The following ICE1 variants were observed in gnomAD, a reference collection of about 807,000 sequenced individuals.
The protein encoded by ICE1 is interactor of little elongation complex ELL subunit 1.
A neutral mutation model predicts 192.7 loss-of-function variants in ICE1; 64 were observed. The ratio of observed to expected loss-of-function variants is 0.33; its 90% CI spans 0.27 to 0.41. The LOEUF (loss-of-function observed/expected upper bound fraction) is 0.41, where lower values mean the gene tolerates loss of function less well. Ranked by LOEUF, ICE1 falls within the 10% of genes least tolerant of loss-of-function variation. The pLI is 1.00. For synonymous variants in ICE1, 1,010 were observed against 984.5 expected (o/e 1.03, Z -0.49); for missense variants, 2,708 against 2,696.0 (o/e 1.00, Z -0.10).
At chr5:5,426,820 T>A (rs1182419203) in intron 1 of ICE1, among the ~76,000 whole-genome samples, 2 of 152,256 alleles carry the variant, frequency 1.3e-5, no homozygotes, top group African/African-American at 4.8e-5. Flanking sequence ...GTATTATAAC[T>A]ACGTGAAGTT....
In ICE1 at chr5:5,473,875, ACT is replaced by A. The variant is rs1739235185; in HGVS notation, c.6413+128_6413+129del. Reference sequence around the variant, plus strand: ...GGCAGATGAAACATTTACAAATTACACTGTTTTTATTTTATAAGAGTTAATAA... The same window carrying A: ...GGCAGATGAAACATTTACAAATTACAGTTTTTATTTTATAAGAGTTAATAA... On this transcript the variant is annotated intron_variant, in intron 16 of 18. Coordinates refer to ENST00000296564, the MANE Select transcript of ICE1 (RefSeq NM_015325.3). 5 of 651,806 alleles carry A rather than the reference ACT, an allele frequency of 7.7e-6. No individual in the cohort carries two copies. The South Asian group carries it at 9.2e-5, about 12-fold the overall frequency. The allele number at this position is 651,806 out of a possible 1,614,324, so 40.4% of individuals were successfully genotyped here.
chr5:5,457,681 G>A lies in ICE1; in HGVS notation c.1041G>A (p.Val347=). Residue 347 remains valine (V), a synonymous_variant, in exon 12 of 19, where the codon GTG becomes GTA. Transcript: ENST00000296564. ...FKLPPPLLSP[V]PSPPPMSSPH... ...TTCCCCCTCCTCTTCTGTCACCAGT[G>A]CCCTCGCCCCCTCCGATGTCATCAC... 6.2e-7 allele frequency: 1 copy of A among 1,613,746 alleles called. No individual in the cohort carries two copies. The highest frequency in any genetic ancestry group is 8.5e-7 in the Non-Finnish European group (1 of 1,179,836).
At chr5:5,458,053 A>G (rs937956658) in intron 12 of ICE1, among the ~76,000 whole-genome samples, 2 of 152,242 alleles carry the variant, frequency 1.3e-5, no homozygotes, top group African/African-American at 4.8e-5. Context: ...ACTGAATTAA[A>G]CACATATTTG....
intron 18 of ICE1, among the ~76,000 whole-genome samples, chr5:5,488,712 T>C (rs1171755584): frequency 1.3e-5 from 2 of 152,224 alleles, no homozygotes; most frequent in Non-Finnish European, 2.9e-5. Flanking sequence ...TATTATGTTT[T>C]CTCATTTCCA....
intron 5 of ICE1, among the ~76,000 whole-genome samples, chr5:5,442,812 C>T (rs1241221964): frequency 3.3e-5 from 5 of 152,024 alleles, no homozygotes; most frequent in Non-Finnish European, 7.4e-5. Flanking sequence ...TTAAATTTTC[C>T]CTAGCAATAC....
chr5:5,489,424 CAA>C lies in ICE1; in HGVS notation c.*98_*99del. ...CAGAATACAAAGGGAGGTTTCAAAA[CAA>C]AAAGACATAAAATAGATAAAACAGA... is the stretch of plus-strand genomic sequence containing the variant. On this transcript the variant is annotated 3_prime_UTR_variant, in exon 19 of 19. Transcript: ENST00000296564. 8.9e-7 allele frequency: 1 copy of C among 1,126,212 alleles called. No individual in the cohort carries two copies. Among genetic ancestry groups the C allele is most frequent in the Non-Finnish European group, 1.2e-6 (1 of 809,978 alleles). 69.8% of individuals were successfully genotyped at this position (1,126,212 alleles called of 1,614,324 possible). A position where few individuals can be genotyped will look rare whatever the true frequency, so the allele number is the denominator to read the frequency against.
Position 5,463,610 on chromosome 5 carries a change from A to G in ICE1, c.4276A>G (p.Ile1426Val), listed in dbSNP as rs768804486. The G allele has an allele frequency of 5.6e-6, 9 of 1,613,944 alleles. No homozygotes were observed. The highest frequency in any genetic ancestry group is 1.1e-5 in the South Asian group (1 of 91,094). ...LVIEKGDNWT[I>V]ISGVAVLPHV... ...CATTGAAAAGGGGGACAACTGGACA[A>G]TCATCAGTGGTGTAGCTGTCTTGCC... is the stretch of plus-strand genomic sequence containing the variant. Residue 1426 changes from isoleucine to valine, a missense_variant, in exon 13 of 19, where the codon ATC becomes GTC. Transcript: ENST00000296564.
At chr5:5,434,082 T>C (rs1228960965) in intron 1 of ICE1, among the ~76,000 whole-genome samples, 1 of 152,174 alleles carries the variant, frequency 6.6e-6, no homozygotes, top group Non-Finnish European at 1.5e-5. Context: ...CTGAAATTAA[T>C]AAATAAAGGG....
chr5:5,438,316 A>C (rs1056310682), intron 3 of ICE1, among the ~76,000 whole-genome samples: 1 of 152,250 alleles, frequency 6.6e-6, no homozygotes, highest in Non-Finnish European at 1.5e-5. Flanking sequence ...CTTGGTTTAC[A>C]ATTCAAGATG....
At chr5:5,488,649 A>ACTGTT (rs1739691103) in intron 18 of ICE1, among the ~76,000 whole-genome samples, 1 of 15,758 alleles carries the variant, frequency 6.3e-5, no homozygotes, top group African/African-American at 2.8e-4. Context: ...AGAATCATAC[A>ACTGTT]CTGTAGTTTT....
At chr5:5,477,257 GA>G in intron 17 of ICE1, among the ~76,000 whole-genome samples, 1 of 152,030 alleles carries the variant, frequency 6.6e-6, no homozygotes, top group Non-Finnish European at 1.5e-5. Flanking sequence ...TAATAAAGAA[GA>G]AAAGAGACAA....
chr5:5,473,388 AATC>A (rs1349934947), intron 15 of ICE1, among the ~76,000 whole-genome samples, 167 bp from the exon 16 acceptor site: 2 of 152,196 alleles, frequency 1.3e-5, no homozygotes, highest in East Asian at 3.8e-4. Context: ...ACCATTGTGT[AATC>A]ATTCTGTGAC....
In ICE1 at chr5:5,466,539, T is replaced by C. The variant is rs1484852571; in HGVS notation, c.6061+37T>C. 8 of 1,541,796 alleles carry C rather than the reference T, an allele frequency of 5.2e-6. No individual in the cohort carries two copies. In the South Asian group the frequency reaches 6.0e-5, roughly 12 times the overall value. ...TTGTGACAATTTTGTATTGAAAATA[T>C]ACGATTGCCTTTTTCCCTTATACTG... On this transcript the variant is annotated intron_variant, in intron 14 of 18. Transcript: ENST00000296564.
chr5:5,488,554 A>C (rs945284622), intron 18 of ICE1, among the ~76,000 whole-genome samples: 1 of 152,208 alleles, frequency 6.6e-6, no homozygotes, highest in Non-Finnish European at 1.5e-5. Context: ...TATCTAAGTA[A>C]ATGAAATTTT....
chr5:5,449,166 T>A (rs371675724), intron 10 of ICE1, among the ~76,000 whole-genome samples: 1 of 152,210 alleles, frequency 6.6e-6, no homozygotes, highest in East Asian at 1.9e-4. Flanking sequence ...CAAGTAAAAT[T>A]GTTTTATGTT....
At chr5:5,467,245 G>A (rs1169660601) in intron 14 of ICE1, among the ~76,000 whole-genome samples, 2 of 152,202 alleles carry the variant, frequency 1.3e-5, no homozygotes, top group Admixed American at 6.5e-5. Context: ...ATTATGGAGT[G>A]AATGTTGGGA....
At position 5,480,547 on chromosome 5, in the gene ICE1, G is replaced by A. The variant is rs560927281; in HGVS notation, c.6520+4468G>A. Among the ~76,000 whole-genome samples, 28 of 152,070 alleles carry A rather than the reference G, an allele frequency of 1.8e-4. 1 individual carries two copies. Among genetic ancestry groups the A allele is most frequent in the African/African-American group, 6.7e-4 (28 of 41,482 alleles). ...ACAGGTGGAGCCACCGCGCCCAGCCGGATTTTTCTTAATGAAAACTCACAG... is the reference window on the plus strand; with the variant it reads ...ACAGGTGGAGCCACCGCGCCCAGCCAGATTTTTCTTAATGAAAACTCACAG... On this transcript the variant is annotated intron_variant, in intron 17 of 18. Coordinates refer to ENST00000296564, the MANE Select transcript of ICE1 (RefSeq NM_015325.3).
intron 1 of ICE1, among the ~76,000 whole-genome samples, chr5:5,426,497 G>A (rs1737523176): frequency 6.6e-6 from 1 of 151,852 alleles, no homozygotes; most frequent in South Asian, 2.1e-4. Flanking sequence ...GTGAGGATAG[G>A]AAAATGGGGC....
chr5:5,464,217 T>C lies in ICE1; in HGVS notation c.4883T>C (p.Val1628Ala). 3 of 1,613,482 alleles carry C rather than the reference T, an allele frequency of 1.9e-6. No individual in the cohort carries two copies. Among genetic ancestry groups the C allele is most frequent in the Non-Finnish European group, 2.5e-6 (3 of 1,179,810 alleles). The stretch of plus-strand genomic sequence containing the variant: ...ACACTGAGTAAAATACGGCAAGAGG[T>C]GGGGCCTCCTTTGCCGCCTCTGCTT... ...PDTLSKIRQE[V>A]GPPLPPLLAP... is the part of the protein sequence containing the mutation. Residue 1628 changes from valine (V) to alanine (A), a missense_variant, in exon 13 of 19, where the codon GTG (valine) becomes GCG (alanine). By Grantham distance (64) the Val-to-Ala change is moderately conservative. Coordinates refer to ENST00000296564, the MANE Select transcript of ICE1 (RefSeq NM_015325.3). This position sits in a 1 kb window ranked among gnomAD's most constrained non-coding sequence, Gnocchi z 4.0.
Sources: allele counts gnomAD v4.1 joint callset (sites outside exome capture counted in the v4.1 genomes callset), GRCh38; gene constraint gnomAD v4.1.1; non-coding constraint Gnocchi (gnomAD v3.1); transcripts MANE v1.5; gene names NCBI Gene and HGNC (gene_info 2026-07-23, HGNC 2026-07-21).